The following SDK1 variants were observed in gnomAD, a reference collection of about 807,000 sequenced individuals.
The protein encoded by SDK1 is protein sidekick-1.
A neutral mutation model predicts 245.5 loss-of-function variants in SDK1; 157 were observed. That is an observed-to-expected ratio of 0.64 (90% CI 0.56 to 0.73). The LOEUF (loss-of-function observed/expected upper bound fraction) is 0.73, where lower values mean the gene tolerates loss of function less well. Ranked by LOEUF, SDK1 falls within the 30% of genes least tolerant of loss-of-function variation. The pLI, the probability that SDK1 is intolerant of heterozygous loss-of-function variation, is 0.00. For missense variants in SDK1, 3,583 were observed against 3,002.3 expected (o/e 1.19, Z -4.52); for synonymous variants, 1,647 against 1,278.5 (o/e 1.29, Z -6.15).
chr7:3,621,432 C>T (rs1055880717), intron 2 of SDK1, among the ~76,000 whole-genome samples: 3 of 152,124 alleles, frequency 2.0e-5, no homozygotes, highest in African/African-American at 4.8e-5. Context: ...GCTTTGTATG[C>T]CCCAGAAAGA....
chr7:4,039,267 C>A (rs572138952), intron 17 of SDK1, among the ~76,000 whole-genome samples: 2 of 151,466 alleles, frequency 1.3e-5, no homozygotes, highest in East Asian at 1.9e-4. Context: ...CTAACCAGCA[C>A]GTTGTGCACA....
intron 26 of SDK1, 29 bp from the exon 27 acceptor site, chr7:4,129,879 A>G (rs1214683440): frequency 6.2e-7 from 1 of 1,611,488 alleles, no homozygotes; most frequent in South Asian, 1.1e-5. Context: ...CCGCCTCCTG[A>G]TAACCCTCGT....
intron 19 of SDK1, among the ~76,000 whole-genome samples, chr7:4,062,994 A>G (rs1333154629): frequency 6.6e-6 from 1 of 152,222 alleles, no homozygotes; most frequent in East Asian, 1.9e-4. Context: ...CCCACAGCTA[A>G]CATCACACTG....
chr7:3,414,384 G>T (rs748944120), intron 1 of SDK1, among the ~76,000 whole-genome samples: 9 of 152,136 alleles, frequency 5.9e-5, no homozygotes, highest in Admixed American at 4.6e-4. Flanking sequence ...CCTGACTTCT[G>T]TCATGGTGCC....
chr7:3,675,731 A>G (rs939568278), intron 4 of SDK1, among the ~76,000 whole-genome samples: 1 of 152,056 alleles, frequency 6.6e-6, no homozygotes, highest in Admixed American at 6.6e-5. Context: ...GTCTCACTGT[A>G]TTGCCCAGGC....
chr7:3,723,983 G>T (rs193201389), intron 4 of SDK1, among the ~76,000 whole-genome samples: 8 of 149,546 alleles, frequency 5.3e-5, no homozygotes, highest in Non-Finnish European at 1.2e-4. Context: ...GAGAGAAAGA[G>T]AGAGAGAGTC....
chr7:3,535,272 AT>A (rs1778844697), intron 1 of SDK1, among the ~76,000 whole-genome samples: 1 of 152,226 alleles, frequency 6.6e-6, no homozygotes, highest in Non-Finnish European at 1.5e-5. Flanking sequence ...CTCCAAAAAA[AT>A]AATAAATAAA....
chr7:3,474,001 C>G (rs1308043084), intron 1 of SDK1, among the ~76,000 whole-genome samples: 1 of 150,986 alleles, frequency 6.6e-6, no homozygotes, highest in East Asian at 1.9e-4. Context: ...GGACATCCAC[C>G]TTTAACCTGT....
chr7:4,029,715 G>A (rs1787645918), intron 17 of SDK1, among the ~76,000 whole-genome samples: 2 of 152,184 alleles, frequency 1.3e-5, no homozygotes, highest in Non-Finnish European at 2.9e-5. Context: ...ACAAACTCTA[G>A]CATGCTGGGC....
intron 44 of SDK1, among the ~76,000 whole-genome samples, chr7:4,261,359 A>C (rs1787989848): frequency 6.6e-6 from 1 of 152,080 alleles, no homozygotes; most frequent in Non-Finnish European, 1.5e-5. Flanking sequence ...CCTCCTGCAA[A>C]ATTAGGGGAG....
At chr7:3,893,626 T>C (rs1165779833) in intron 5 of SDK1, among the ~76,000 whole-genome samples, 1 of 151,592 alleles carries the variant, frequency 6.6e-6, no homozygotes, top group Non-Finnish European at 1.5e-5. Flanking sequence ...CTCTTGAGAA[T>C]CTCCTTCAGG....
intron 38 of SDK1, among the ~76,000 whole-genome samples, chr7:4,216,992 C>G (rs576401655): frequency 6.8e-6 from 1 of 147,230 alleles, no homozygotes; most frequent in African/African-American, 2.5e-5. Flanking sequence ...ACCACACCAC[C>G]CGGAGCACCA....
At chr7:4,088,862 T>C (rs1781595902) in intron 22 of SDK1, among the ~76,000 whole-genome samples, 1 of 152,250 alleles carries the variant, frequency 6.6e-6, no homozygotes, top group Non-Finnish European at 1.5e-5. Context: ...TGGATTGAGC[T>C]TGTGTTCCTT....
intron 5 of SDK1, among the ~76,000 whole-genome samples, chr7:3,927,325 C>T (rs1464770163): frequency 7.9e-5 from 12 of 152,084 alleles, no homozygotes; most frequent in Admixed American, 7.9e-4. Flanking sequence ...CTTTAGTTTC[C>T]CTCCTATTTT....
At chr7:3,790,299 T>C (rs964595213) in intron 4 of SDK1, among the ~76,000 whole-genome samples, 1 of 152,166 alleles carries the variant, frequency 6.6e-6, no homozygotes, top group Non-Finnish European at 1.5e-5. Context: ...ACTAGGTATT[T>C]CAACAGAGGG....
intron 4 of SDK1, among the ~76,000 whole-genome samples, chr7:3,677,251 C>T (rs1307529645): frequency 6.6e-6 from 1 of 151,984 alleles, no homozygotes; most frequent in Non-Finnish European, 1.5e-5. Flanking sequence ...TTTTATTTAA[C>T]ATACGATAAG....
chr7:3,510,607 C>G (rs1306027892), intron 1 of SDK1, among the ~76,000 whole-genome samples: 1 of 152,062 alleles, frequency 6.6e-6, no homozygotes, highest in Non-Finnish European at 1.5e-5. Flanking sequence ...GAGAATGGCC[C>G]AAGACAGGTT....
chr7:3,423,301 A>G (rs1405179762), intron 1 of SDK1, among the ~76,000 whole-genome samples: 1 of 152,194 alleles, frequency 6.6e-6, no homozygotes, highest in African/African-American at 2.4e-5. Flanking sequence ...CAGGCCCTGA[A>G]TTTTCTGTCT....
chr7:3,594,173 A>G (rs549095839), intron 1 of SDK1, among the ~76,000 whole-genome samples: 58 of 152,202 alleles, frequency 3.8e-4, no homozygotes, highest in Non-Finnish European at 7.2e-4. Flanking sequence ...AGATTTGCCT[A>G]CTAGGGACAT....
Sources: gnomAD v4.1 joint callset for allele counts (sites outside exome capture counted in the v4.1 genomes callset) on GRCh38, gnomAD v4.1.1 for gene constraint, MANE v1.5 for transcripts, NCBI Gene and HGNC (gene_info 2026-07-23, HGNC 2026-07-21) for gene names.